Variants in FRMD4A observed in about 807,000 individuals in gnomAD.
The protein encoded by FRMD4A is FERM domain-containing protein 4A.
In FRMD4A, 29 loss-of-function variants were observed where a neutral mutation model predicts 129.1. The ratio of observed to expected loss-of-function variants is 0.22; its 90% CI spans 0.17 to 0.31. The LOEUF (loss-of-function observed/expected upper bound fraction) is 0.31, where lower values mean the gene tolerates loss of function less well. FRMD4A is among the 10% of genes least tolerant of loss of function. FRMD4A has a pLI of 1.00. For missense variants in FRMD4A, 1,272 were observed against 1,375.8 expected (o/e 0.92, Z 1.19); for synonymous variants, 634 against 571.6 (o/e 1.11, Z -1.56).
At chr10:13,704,738 G>A (rs1564652719) in intron 13 of FRMD4A, among the ~76,000 whole-genome samples, 1 of 152,274 alleles carries the variant, frequency 6.6e-6, no homozygotes, top group East Asian at 1.9e-4. Flanking sequence ...GTCGTCTAGA[G>A]CAGGTTTCTT....
rs1329677504 is a variant in FRMD4A at position 13,657,123 on chromosome 10, C to T, written c.2466G>A (p.Leu822=). The T allele has an allele frequency of 1.9e-6, 3 of 1,540,846 alleles. No individual in the cohort carries two copies. Among genetic ancestry groups the T allele is most frequent in the Middle Eastern group, 1.7e-4 (1 of 5,870 alleles). The change falls in exon 22 of 25, where the codon CTG becomes CTA. Residue 822 remains leucine, a synonymous_variant. Transcript: ENST00000357447. ...GCGAGCTGGGCTGGCTCTGGCTGTG[C>T]AGGTACACACCGCCCCCCGCGCCCC... The part of the protein sequence containing the change: ...GAGGAGGGVY[L]HSQSQPSSQY...
intron 9 of FRMD4A, among the ~76,000 whole-genome samples, chr10:13,742,367 A>G (rs2091058810): frequency 6.6e-6 from 1 of 152,070 alleles, no homozygotes; most frequent in Non-Finnish European, 1.5e-5. Context: ...TGGAGTCGAC[A>G]CCTCGGTCTC....
rs1189714781 is a variant in FRMD4A at position 13,700,944 on chromosome 10, C to T, written c.975+396G>A. 4.3e-5 allele frequency among the ~76,000 whole-genome samples: 6 copies of T among 139,982 alleles called. No homozygotes were observed. The Admixed American group carries it at 4.8e-4, about 11-fold the overall frequency. 91.8% of individuals were successfully genotyped at this position (139,982 alleles called of 152,430 possible). ...ATTACCCTAAACAGTTAGGTGGTGTCTATTCGTTGAGAAAGATTCCTTTTT... is the reference window on the plus strand; with the variant it reads ...ATTACCCTAAACAGTTAGGTGGTGTTTATTCGTTGAGAAAGATTCCTTTTT... On this transcript the variant is annotated intron_variant, in intron 14 of 24. Coordinates refer to ENST00000357447, the MANE Select transcript of FRMD4A (RefSeq NM_018027.5).
intron 13 of FRMD4A, among the ~76,000 whole-genome samples, chr10:13,703,684 C>T (rs2087100353): frequency 6.6e-6 from 1 of 152,174 alleles, no homozygotes; most frequent in Admixed American, 6.5e-5. Flanking sequence ...TAGGATGACA[C>T]ATTCAACTTA....
chr10:14,130,532 C>T (rs189412233), intron 2 of FRMD4A, among the ~76,000 whole-genome samples: 12 of 152,292 alleles, frequency 7.9e-5, no homozygotes, highest in Admixed American at 5.2e-4. Flanking sequence ...ATTACAGGCA[C>T]GAGCCATCAG....
intron 2 of FRMD4A, among the ~76,000 whole-genome samples, chr10:13,991,193 T>G (rs1043888741): frequency 3.3e-5 from 5 of 152,154 alleles, no homozygotes; most frequent in African/African-American, 1.2e-4. Context: ...CTGAGTACAC[T>G]GACAGCAACA....
At chr10:13,891,526 G>A in intron 2 of FRMD4A, 1 of 830,458 alleles carries the variant, frequency 1.2e-6, no homozygotes, top group East Asian at 1.2e-4. Context: ...AAGCAGCGGC[G>A]CGTCCCTTTT....
At chr10:14,155,434 G>A (rs1368070502) in intron 2 of FRMD4A, among the ~76,000 whole-genome samples, 1 of 152,148 alleles carries the variant, frequency 6.6e-6, no homozygotes, top group East Asian at 1.9e-4. Flanking sequence ...GTAATCCCCA[G>A]GGAAGCCGGG....
intron 2 of FRMD4A, among the ~76,000 whole-genome samples, chr10:14,304,996 C>T (rs958143504): frequency 6.6e-6 from 1 of 152,196 alleles, no homozygotes; most frequent in Non-Finnish European, 1.5e-5. Flanking sequence ...CATTGCTTCC[C>T]CACTTCCCTA....
intron 3 of FRMD4A, among the ~76,000 whole-genome samples, chr10:13,839,731 G>A (rs568906315): frequency 6.6e-6 from 1 of 152,312 alleles, no homozygotes; most frequent in East Asian, 1.9e-4. Flanking sequence ...AAAGGAAGGG[G>A]GCCTTGAGCC....
intron 2 of FRMD4A, among the ~76,000 whole-genome samples, chr10:13,989,031 C>CT (rs11326311): frequency 8.2e-4 from 123 of 149,258 alleles, no homozygotes; most frequent in African/African-American, 2.7e-3. Flanking sequence ...TTTTCAGTAA[C>CT]TTTTTTTTTT....
Position 13,656,949 on chromosome 10 carries a change from C to A in FRMD4A, c.2640G>T (p.Lys880Asn). The A allele has an allele frequency of 6.5e-7, 1 of 1,532,870 alleles. No homozygotes were observed. Among genetic ancestry groups the A allele is most frequent in the Non-Finnish European group, 8.7e-7 (1 of 1,147,202 alleles). The allele number at this position is 1,532,870 out of a possible 1,614,324, so 95.0% of individuals were successfully genotyped here. The change falls in exon 22 of 25, where the codon AAG (lysine) becomes AAT (asparagine). Residue 880 changes from lysine to asparagine, a missense_variant. Around this residue, in one of 2 missense-constraint regions of FRMD4A, gnomAD observed 972 missense variants for 892.3 expected, o/e 1.09. Coordinates refer to ENST00000357447, the MANE Select transcript of FRMD4A (RefSeq NM_018027.5). ...SNSYTAGGLF[K>N]ESWRGGGGDE... The stretch of plus-strand genomic sequence containing the variant: ...CGCCGCCGCCGCCGCGCCAGCTCTC[C>A]TTGAACAGGCCGCCCGCCGTGTAGG...
intron 12 of FRMD4A, among the ~76,000 whole-genome samples, chr10:13,732,783 T>C (rs1007569315): frequency 1.3e-5 from 2 of 152,202 alleles, no homozygotes; most frequent in African/African-American, 4.8e-5. Flanking sequence ...CACCCAGCCA[T>C]GAGGCCCATG....
At chr10:13,705,709 C>A (rs1352159036) in intron 13 of FRMD4A, among the ~76,000 whole-genome samples, 2 of 152,130 alleles carry the variant, frequency 1.3e-5, no homozygotes, top group Admixed American at 1.3e-4. Context: ...GATCTGTGCT[C>A]CATGGAGTGG....
chr10:14,001,849 C>T (rs962813983), intron 2 of FRMD4A, among the ~76,000 whole-genome samples: 11 of 152,190 alleles, frequency 7.2e-5, no homozygotes, highest in African/African-American at 2.7e-4. Context: ...TTCTTGGCTG[C>T]CTGCGCTCAA....
intron 2 of FRMD4A, among the ~76,000 whole-genome samples, chr10:14,243,930 A>G (rs1346159286): frequency 6.6e-6 from 1 of 152,182 alleles, no homozygotes; most frequent in East Asian, 1.9e-4. Flanking sequence ...ATCTAAAATA[A>G]AAGTGATCAT....
chr10:13,832,421 C>T (rs1178501556), intron 3 of FRMD4A, among the ~76,000 whole-genome samples: 1 of 152,180 alleles, frequency 6.6e-6, no homozygotes, highest in Admixed American at 6.5e-5. Flanking sequence ...CCTGGATCTT[C>T]TAAATTAGTG....
At chr10:14,235,430 G>A (rs561470517) in intron 2 of FRMD4A, among the ~76,000 whole-genome samples, 1 of 152,138 alleles carries the variant, frequency 6.6e-6, no homozygotes, top group Non-Finnish European at 1.5e-5. Context: ...TTACAGGCGT[G>A]AGCCACCGCG....
At chr10:13,924,606 A>T (rs529422383) in intron 2 of FRMD4A, among the ~76,000 whole-genome samples, 66 of 152,090 alleles carry the variant, frequency 4.3e-4, no homozygotes, top group African/African-American at 1.6e-3. Flanking sequence ...ATCCTCCTAG[A>T]CTATTTTATT....
Sources: gnomAD v4.1 joint callset for allele counts (sites outside exome capture counted in the v4.1 genomes callset) on GRCh38, gnomAD v4.1.1 for gene constraint, gnomAD v4.1.1 regional missense constraint, MANE v1.5 for transcripts, NCBI Gene and HGNC (gene_info 2026-07-23, HGNC 2026-07-21) for gene names.